ASB11: variants seen among roughly 807,000 people sequenced by gnomAD.
ASB11 encodes ankyrin repeat and SOCS box protein 11.
ASB11 carries 17 observed loss-of-function variants against 20.1 expected under a neutral mutation model. That is an observed-to-expected ratio of 0.85 (90% CI 0.58 to 1.27). The LOEUF is 1.27. Among genes scored for constraint, ASB11 ranks in the 50% most tolerant of loss-of-function variants. The pLI is 0.00. For synonymous variants in ASB11, 107 were observed against 105.6 expected, an observed-to-expected ratio of 1.01 and a Z score of -0.08; for missense variants, 259 against 256.9, an observed-to-expected ratio of 1.01 and a Z score of -0.06.
At chrX:15,300,174 T>C (rs1362648179) in intron 2 of ASB11, among the ~76,000 whole-genome samples, 1 of 112,338 alleles carries the variant, frequency 8.9e-6, no homozygotes, top group African/African-American at 3.2e-5. Flanking sequence ...ACTGTTACGG[T>C]GCAAAATCTC....
intron 6 of ASB11, among the ~76,000 whole-genome samples, chrX:15,284,149 G>C (rs376687588): frequency 2.8e-5 from 3 of 106,674 alleles, no homozygotes; most frequent in Admixed American, 1.0e-4. Flanking sequence ...CTACTCGGGA[G>C]GCTGAGGCAG....
At chrX:15,294,386 C>T (rs939958544) in intron 3 of ASB11, among the ~76,000 whole-genome samples, 2 of 111,947 alleles carry the variant, frequency 1.8e-5, no homozygotes, top group African/African-American at 6.5e-5. Flanking sequence ...CAATATAACC[C>T]GTGAAACAGG....
chrX:15,296,279 A>C (rs1044148356), intron 3 of ASB11, among the ~76,000 whole-genome samples: 6 of 110,171 alleles, frequency 5.4e-5, no homozygotes, highest in African/African-American at 1.6e-4. Context: ...AAAAAAAAAA[A>C]CAAAAAAAGA....
intron 1 of ASB11, among the ~76,000 whole-genome samples, chrX:15,304,681 C>A (rs1049921052): frequency 5.0e-4 from 56 of 112,000 alleles, no homozygotes; most frequent in African/African-American, 1.7e-3. Context: ...AGTTCGAGAC[C>A]AGCCTGGCCA....
At chrX:15,307,740 A>G (rs1383060769) in intron 1 of ASB11, among the ~76,000 whole-genome samples, 1 of 111,906 alleles carries the variant, frequency 8.9e-6, no homozygotes, top group African/African-American at 3.3e-5. Context: ...ACTGTTTGCA[A>G]GAGGGCATGG....
At chrX:15,289,393 C>A in intron 5 of ASB11, 111 bp downstream of exon 5, 5 of 871,416 alleles carry the variant, frequency 5.7e-6, no homozygotes, top group African/African-American at 2.0e-5. Flanking sequence ...AGCATTCAAA[C>A]ATAAAATGCT....
chrX:15,296,110 G>A (rs780534057), intron 3 of ASB11, among the ~76,000 whole-genome samples: 140 of 111,491 alleles, frequency 1.3e-3, no homozygotes, highest in African/African-American at 3.5e-3. Flanking sequence ...TTAGCTGGAC[G>A]TGGTGGCGGG....
Position 15,306,163 on chromosome X carries a change from A to C in ASB11, c.182-3356T>G, listed in dbSNP as rs1052189182. Among the ~76,000 whole-genome samples the C allele has an allele frequency of 1.9e-4, 21 of 111,745 alleles. 1 individual carries two copies. The highest frequency in any genetic ancestry group is 1.8e-3 in the Admixed American group (19 of 10,520). Reference sequence around the variant, plus strand: ...TATATGTACCACATTTTCTTTACCCAGTCTGTCATTGATGGGCATTTGGGT... The same window carrying C: ...TATATGTACCACATTTTCTTTACCCCGTCTGTCATTGATGGGCATTTGGGT... On this transcript the variant is annotated intron_variant, in intron 1 of 6. Transcript: ENST00000480796.
intron 6 of ASB11, 110 bp downstream of exon 6, chrX:15,287,771 G>T: frequency 1.1e-6 from 1 of 935,787 alleles, no homozygotes; most frequent in Non-Finnish European, 1.4e-6. Context: ...CTCCCACAAT[G>T]CCACCTTCAA....
chrX:15,309,963 G>A (rs1330266015), intron 1 of ASB11, among the ~76,000 whole-genome samples: 1 of 24,103 alleles, frequency 4.1e-5, no homozygotes, highest in Admixed American at 4.6e-4. Flanking sequence ...GCAAGACTCC[G>A]TCTCAAAAAA....
chrX:15,314,407 A>T, intron 1 of ASB11: 6 of 1,195,942 alleles, frequency 5.0e-6, no homozygotes, highest in Non-Finnish European at 6.7e-6. Flanking sequence ...CCCAAAAGAA[A>T]TCTCTTTCCA....
chrX:15,288,093 C>G, intron 5 of ASB11, 21 bp from the exon 6 acceptor site: 1 of 1,182,807 alleles, frequency 8.5e-7, no homozygotes, highest in Non-Finnish European at 1.1e-6. Flanking sequence ...CAGATGGCCA[C>G]AATTCAACAC....
At chrX:15,304,251 C>T (rs1468225114) in intron 1 of ASB11, among the ~76,000 whole-genome samples, 1 of 111,719 alleles carries the variant, frequency 9.0e-6, no homozygotes, top group East Asian at 2.8e-4. Flanking sequence ...AGAATTTTTC[C>T]AGTGGATGAG....
At position 15,287,961 on chromosome X, in the gene ASB11, C is replaced by T. The variant is rs781564627; in HGVS notation, c.767G>A (p.Arg256His). Residue 256 changes from arginine to histidine, a missense_variant, in exon 6 of 7, where the codon CGT (arginine) becomes CAT (histidine). Coordinates refer to ENST00000480796, the MANE Select transcript of ASB11 (RefSeq NM_080873.3). ...CGCACTTTTGCCCTGAGCATTTCTA[C>T]GCTTCAGGTTAGCTCCATAGTCGGT... ...LLTDYGANLKRRNAQGKSALD... is the reference protein window; with the variant it reads ...LLTDYGANLKHRNAQGKSALD... 131 of 1,210,640 alleles carry T rather than the reference C, an allele frequency of 1.1e-4. No homozygotes were observed. Among genetic ancestry groups the T allele is most frequent in the Admixed American group, 7.0e-4 (32 of 45,820 alleles).
chrX:15,284,209 G>T lies in ASB11; in HGVS notation c.848-580C>A, dbSNP rs758176882. ...GGAGCTTGCAGTGAGCCGAGATCGG[G>T]CCACTGCACTCCAGCCTGGGCGACA... On this transcript the variant is annotated intron_variant, in intron 6 of 6. Transcript: ENST00000480796. Among the ~76,000 whole-genome samples, 600 of 99,991 alleles carry T rather than the reference G, an allele frequency of 6.0e-3. 2 individuals are homozygous for T. Among genetic ancestry groups the T allele is most frequent in the Non-Finnish European group, 8.9e-3 (450 of 50,303 alleles). The allele number at this position is 99,991 out of a possible 115,157, so 86.8% of individuals were successfully genotyped here.
chrX:15,301,562 G>A (rs1166573157), intron 2 of ASB11, among the ~76,000 whole-genome samples: 1 of 111,332 alleles, frequency 9.0e-6, no homozygotes, highest in Non-Finnish European at 1.9e-5. Context: ...GAGAGAGAGA[G>A]AGCAGTGCAC....
Position 15,295,876 on chromosome X carries a change from A to G in ASB11, c.369+1698T>C, listed in dbSNP as rs957011493. Among the ~76,000 whole-genome samples, 4 of 111,914 alleles carry G rather than the reference A, an allele frequency of 3.6e-5. No homozygotes were observed. In the East Asian group the frequency reaches 8.4e-4, roughly 23 times the overall value. ...TCTAGCTTGAAAGGAAACGGCTCTCACACAGCCTTCCTTCATCATTACCCA... is the reference window on the plus strand; with the variant it reads ...TCTAGCTTGAAAGGAAACGGCTCTCGCACAGCCTTCCTTCATCATTACCCA... On this transcript the variant is annotated intron_variant, in intron 3 of 6. Coordinates refer to ENST00000480796, the MANE Select transcript of ASB11 (RefSeq NM_080873.3).
In ASB11 at chrX:15,293,211, T is replaced by A. The variant is rs202091307; in HGVS notation, c.479A>T (p.Glu160Val). 5 of 1,209,899 alleles carry A rather than the reference T, an allele frequency of 4.1e-6. No individual in the cohort carries two copies. The highest frequency in any genetic ancestry group is 3.4e-6 in the Non-Finnish European group (3 of 895,168). ...ATGGATGGGCGAGGCCAGGTGCACC[T>A]CCAACTGGGCCTTGGCTCCGAACTC... is the stretch of plus-strand genomic sequence containing the variant. ...LLEFGAKAQL[E>V]VHLASPIHEA... The change falls in exon 4 of 7, where the codon GAG becomes GTG. Residue 160 changes from glutamate to valine, a missense_variant. Transcript: ENST00000480796.
chrX:15,307,967 C>G (rs749856483), intron 1 of ASB11, among the ~76,000 whole-genome samples: 82 of 112,058 alleles, frequency 7.3e-4, no homozygotes, highest in African/African-American at 2.6e-3. Flanking sequence ...TTTTCCCACT[C>G]CCAGGGCAGG....
Sources: allele counts gnomAD v4.1 joint callset (sites outside exome capture counted in the v4.1 genomes callset), GRCh38; gene constraint gnomAD v4.1.1; transcripts MANE v1.5; gene names NCBI Gene and HGNC (gene_info 2026-07-23, HGNC 2026-07-21).